CLIP3: variants seen among roughly 807,000 people sequenced by gnomAD.
The protein encoded by CLIP3 is CAP-Gly domain containing linker protein 3.
CLIP3 carries 15 observed loss-of-function variants against 59.4 expected under a neutral mutation model. The ratio of observed to expected loss-of-function variants is 0.25; its 90% CI spans 0.17 to 0.39. The LOEUF (loss-of-function observed/expected upper bound fraction) is 0.39, where lower values mean the gene tolerates loss of function less well. CLIP3 is among the 10% of genes least tolerant of loss of function. The pLI, the probability that CLIP3 is intolerant of heterozygous loss-of-function variation, is 1.00. For synonymous variants in CLIP3, 300 were observed against 321.6 expected (o/e 0.93, Z 0.72); for missense variants, 495 against 765.7 (o/e 0.65, Z 4.17).
chr19:36,029,942 C>T (rs896386326), intron 2 of CLIP3, among the ~76,000 whole-genome samples: 2 of 152,172 alleles, frequency 1.3e-5, no homozygotes, highest in South Asian at 2.1e-4. Context: ...CTATACCCTC[C>T]GACCTCCCAC....
chr19:36,026,908 G>C lies in CLIP3; in HGVS notation c.400+44C>G. 6.6e-7 allele frequency: 1 copy of C among 1,524,654 alleles called. No homozygotes were observed. The highest frequency in any genetic ancestry group is 1.4e-5 in the African/African-American group (1 of 72,152). 94.4% of individuals were successfully genotyped at this position (1,524,654 alleles called of 1,614,324 possible). On this transcript the variant is annotated intron_variant, in intron 4 of 13. Coordinates refer to ENST00000360535, the MANE Select transcript of CLIP3 (RefSeq NM_015526.3). The surrounding 1 kb of genome is among the most constrained non-coding windows in gnomAD (Gnocchi z 6.3). ...GGTTTTCAGCGTGTTGGGTCTGGGG[G>C]CCTAGGCTTTGGGGCTTATGACTTG...
At chr19:36,030,440 G>T (rs1483261123) in intron 2 of CLIP3, among the ~76,000 whole-genome samples, 6 of 152,170 alleles carry the variant, frequency 3.9e-5, no homozygotes, top group Non-Finnish European at 8.8e-5. Flanking sequence ...GATGCCATCT[G>T]TCTTGCTCTA....
chr19:36,021,217 C>T (rs1186553368), intron 7 of CLIP3, among the ~76,000 whole-genome samples: 2 of 151,678 alleles, frequency 1.3e-5, no homozygotes, highest in African/African-American at 4.8e-5. Flanking sequence ...GGTCAGGGGA[C>T]TTATTGAGCC....
chr19:36,019,609 T>TTTTA (rs1568540506), intron 7 of CLIP3, among the ~76,000 whole-genome samples: 1 of 145,156 alleles, frequency 6.9e-6, no homozygotes, highest in African/African-American at 2.7e-5. Flanking sequence ...TTTTATTTAT[T>TTTTA]TTTTTTTTTT....
rs570961155 is a variant in CLIP3 at position 36,032,108 on chromosome 19, A to C, written c.166+84T>G. 1 of 735,064 alleles carries C rather than the reference A, an allele frequency of 1.4e-6. No homozygotes were observed. The highest frequency in any genetic ancestry group is 1.9e-6 in the Non-Finnish European group (1 of 519,986). The allele number at this position is 735,064 out of a possible 1,614,324, so 45.5% of individuals were successfully genotyped here. On this transcript the variant is annotated intron_variant, in intron 2 of 13. Transcript: ENST00000360535. The surrounding 1 kb of genome is among the most constrained non-coding windows in gnomAD (Gnocchi z 4.3). ...CCTTCAAATTCCCCAGAATTCTCCC[A>C]CCATCACCACCAGCAGAGCACAGCC...
intron 2 of CLIP3, among the ~76,000 whole-genome samples, chr19:36,031,412 T>C (rs1011274878): frequency 6.6e-6 from 1 of 152,240 alleles, no homozygotes; most frequent in African/African-American, 2.4e-5. Flanking sequence ...CCTTCTCTCC[T>C]GCAAGGGAGG....
intron 7 of CLIP3, among the ~76,000 whole-genome samples, chr19:36,021,913 C>T (rs113229403): frequency 0.11 from 16,980 of 151,776 alleles, 1,277 homozygotes; most frequent in Middle Eastern, 0.27. Flanking sequence ...GAGTCTCACA[C>T]TTTGGCCCAG....
intron 2 of CLIP3, 32 bp from the exon 3 acceptor site, chr19:36,027,303 C>G: frequency 6.4e-7 from 1 of 1,560,576 alleles, no homozygotes; most frequent in Non-Finnish European, 8.7e-7. Context: ...GGTCACCCCA[C>G]GCAACTGACC....
Position 36,016,080 on chromosome 19 carries a change from C to T in CLIP3, c.*78G>A. On this transcript the variant is annotated 3_prime_UTR_variant, in exon 14 of 14. Transcript: ENST00000360535. The surrounding 1 kb of genome is among the most constrained non-coding windows in gnomAD (Gnocchi z 4.1). Reference sequence around the variant, plus strand: ...TGGATGTGTTACTGGGAATCTCTATCTCAGGGTGACTCAGGGCTCCTCGGG... The same window carrying T: ...TGGATGTGTTACTGGGAATCTCTATTTCAGGGTGACTCAGGGCTCCTCGGG... The T allele has an allele frequency of 6.7e-7, 1 of 1,491,178 alleles. No homozygotes were observed. Among genetic ancestry groups the T allele is most frequent in the Non-Finnish European group, 9.3e-7 (1 of 1,074,028 alleles). The allele number at this position is 1,491,178 out of a possible 1,614,324, so 92.4% of individuals were successfully genotyped here.
chr19:36,015,984 G>A lies in CLIP3; in HGVS notation c.*174C>T. The A allele has an allele frequency of 4.4e-6, 3 of 677,676 alleles. No homozygotes were observed. The highest frequency in any genetic ancestry group is 3.4e-5 in the South Asian group (2 of 58,026). 42.0% of individuals were successfully genotyped at this position (677,676 alleles called of 1,614,324 possible). Reference sequence around the variant, plus strand: ...GGGTGACATGGGGTCTGTATTTGGGGGTTATTATGGGAGTATCTGTTAATA... The same window carrying A: ...GGGTGACATGGGGTCTGTATTTGGGAGTTATTATGGGAGTATCTGTTAATA... On this transcript the variant is annotated 3_prime_UTR_variant, in exon 14 of 14. Transcript: ENST00000360535.
At position 36,017,463 on chromosome 19, in the gene CLIP3, G is replaced by A. The variant is rs1968829076; in HGVS notation, c.1452-13C>T. ...GGATCCGCCAATCCTGAGGAGACAC[G>A]GGGAGGGGGAGAAGTCAGAGCCACA... On this transcript the variant is annotated splice_polypyrimidine_tract_variant and intron_variant, in intron 11 of 13. Transcript: ENST00000360535. 15 of 1,613,906 alleles carry A rather than the reference G, an allele frequency of 9.3e-6. No homozygotes were observed. The highest frequency in any genetic ancestry group is 2.2e-5 in the South Asian group (2 of 91,080).
rs762823060 is a variant in CLIP3, at chr19:36,026,751, C to T, written c.401-4G>A. On this transcript the variant is annotated splice_region_variant and splice_polypyrimidine_tract_variant and intron_variant, in intron 4 of 13. Coordinates refer to ENST00000360535, the MANE Select transcript of CLIP3 (RefSeq NM_015526.3). The surrounding 1 kb of genome is among the most constrained non-coding windows in gnomAD (Gnocchi z 6.3). ...CGCACGGCTGCCGCGGGGTCCCCTG[C>T]GCGATAGGCCGGGTCAGCTTGGAAC... The T allele has an allele frequency of 1.1e-5, 18 of 1,592,550 alleles. No homozygotes were observed. The East Asian group carries it at 1.6e-4, about 14-fold the overall frequency.
At position 36,018,938 on chromosome 19, in the gene CLIP3, G is replaced by C. The variant is rs371638018; in HGVS notation, c.1143C>G (p.Asp381Glu). 24 of 1,613,230 alleles carry C rather than the reference G, an allele frequency of 1.5e-5. No individual in the cohort carries two copies. The South Asian group carries it at 1.9e-4, about 13-fold the overall frequency. ...VTSTPRTPRM[D>E]FSRVTGKGRR... ...GGCCTTTGCCGGTGACACGGGAGAA[G>C]TCCATCCGGGGGGTCCGGGGTGTGG... The change falls in exon 9 of 14, where the codon GAC becomes GAG. Residue 381 changes from aspartate (D) to glutamate (E), a missense_variant. By Grantham distance (45) the Asp-to-Glu change is conservative. Around this residue, in one of 5 missense-constraint regions of CLIP3, gnomAD observed 179 missense variants for 226.2 expected, o/e 0.79. Transcript: ENST00000360535.
intron 7 of CLIP3, 26 bp downstream of exon 7, chr19:36,024,370 T>C (rs995806759): frequency 6.3e-6 from 6 of 949,434 alleles, no homozygotes; most frequent in Non-Finnish European, 3.3e-6. Context: ...CCACCCACCA[T>C]GCAAACACAC....
chr19:36,025,027 C>T (rs1427063166), intron 6 of CLIP3, among the ~76,000 whole-genome samples: 1 of 151,158 alleles, frequency 6.6e-6, no homozygotes, highest in Non-Finnish European at 1.5e-5. Flanking sequence ...GATCATGCTA[C>T]TGCACTCCAG....
chr19:36,020,855 A>AT (rs915992268), intron 7 of CLIP3, among the ~76,000 whole-genome samples: 3 of 151,670 alleles, frequency 2.0e-5, no homozygotes, highest in East Asian at 1.9e-4. Flanking sequence ...CGTTATTGAA[A>AT]TTTTTTTTCT....
chr19:36,014,671 C>T lies in CLIP3; in HGVS notation c.*1487G>A, dbSNP rs1336770406. ...ACCCGACACAGAGAGGCCATAGAAA[C>T]GTCTTTATTGAAGAGGACAGGAGTC... On this transcript the variant is annotated 3_prime_UTR_variant, in exon 14 of 14. Transcript: ENST00000360535. The T allele has an allele frequency of 4.0e-6, 1 of 248,862 alleles. No homozygotes were observed. The highest frequency in any genetic ancestry group is 7.8e-6 in the Non-Finnish European group (1 of 127,506). 15.4% of individuals were successfully genotyped at this position (248,862 alleles called of 1,614,324 possible).
At position 36,015,927 on chromosome 19, in the gene CLIP3, G is replaced by A. The variant is rs1337323962; in HGVS notation, c.*231C>T. On this transcript the variant is annotated 3_prime_UTR_variant, in exon 14 of 14. Coordinates refer to ENST00000360535, the MANE Select transcript of CLIP3 (RefSeq NM_015526.3). Reference sequence around the variant, plus strand: ...TCTGAGGGGTTGGGGATAGGGACTAGCCTGAAGGTGCTACTCAGGGAATCT... The same window carrying A: ...TCTGAGGGGTTGGGGATAGGGACTAACCTGAAGGTGCTACTCAGGGAATCT... 3.4e-6 allele frequency: 2 copies of A among 590,534 alleles called. No individual in the cohort carries two copies. Among genetic ancestry groups the A allele is most frequent in the Admixed American group, 2.9e-5 (1 of 34,614 alleles). 36.6% of individuals were successfully genotyped at this position (590,534 alleles called of 1,614,324 possible). A position where few individuals can be genotyped will look rare whatever the true frequency, so the allele number is the denominator to read the frequency against.
Position 36,019,040 on chromosome 19 carries a change from AT to A in CLIP3, c.1055-15del, listed in dbSNP as rs777422551. On this transcript the variant is annotated splice_polypyrimidine_tract_variant and intron_variant, in intron 8 of 13. Coordinates refer to ENST00000360535, the MANE Select transcript of CLIP3 (RefSeq NM_015526.3). ...AGGCAAAGAGACCTAGGGGTACAGAATCCGAGCCTGGTGTTGTCCAAGCCTC... is the reference window on the plus strand; with the variant it reads ...AGGCAAAGAGACCTAGGGGTACAGAACCGAGCCTGGTGTTGTCCAAGCCTC... 1 of 1,583,186 alleles carries A rather than the reference AT, an allele frequency of 6.3e-7. No individual in the cohort carries two copies. The highest frequency in any genetic ancestry group is 1.7e-5 in the Admixed American group (1 of 58,062).
Sources: gnomAD v4.1 joint callset for allele counts (sites outside exome capture counted in the v4.1 genomes callset) on GRCh38, gnomAD v4.1.1 for gene constraint, gnomAD v4.1.1 regional missense constraint, Gnocchi (gnomAD v3.1) non-coding constraint, MANE v1.5 for transcripts, NCBI Gene and HGNC (gene_info 2026-07-23, HGNC 2026-07-21) for gene names.